MACROD2: variants seen among roughly 807,000 people sequenced by gnomAD.
MACROD2 encodes ADP-ribose glycohydrolase MACROD2.
MACROD2 carries 36 observed loss-of-function variants against 70.4 expected under a neutral mutation model. The ratio of observed to expected loss-of-function variants is 0.51; its 90% confidence interval spans 0.39 to 0.68. MACROD2 has a LOEUF of 0.68. Ranked by LOEUF, MACROD2 falls within the 30% of genes least tolerant of loss-of-function variation. The pLI is 0.00. For missense variants in MACROD2, 496 were observed against 538.4 expected (o/e 0.92, Z 0.78); for synonymous variants, 172 against 178.8 (o/e 0.96, Z 0.30).
intron 8 of MACROD2, among the ~76,000 whole-genome samples, chr20:15,688,739 C>T (rs2050260010): frequency 6.6e-6 from 1 of 152,074 alleles, no homozygotes; most frequent in Non-Finnish European, 1.5e-5. Context: ...AAATAAATTG[C>T]CTTTTCTTTT....
intron 4 of MACROD2, among the ~76,000 whole-genome samples, chr20:14,510,731 A>C (rs1467148113): frequency 6.6e-6 from 1 of 152,114 alleles, no homozygotes; most frequent in Non-Finnish European, 1.5e-5. Flanking sequence ...GGAGGGCACA[A>C]ATAGCCTCTA....
intron 5 of MACROD2, among the ~76,000 whole-genome samples, chr20:14,753,970 AGTCTCTGGG>A (rs1201041840): frequency 6.6e-6 from 1 of 152,094 alleles, no homozygotes; most frequent in African/African-American, 2.4e-5. Flanking sequence ...ATGAGTGTTC[AGTCTCTGGG>A]GTTTTATGCT....
intron 5 of MACROD2, among the ~76,000 whole-genome samples, chr20:15,133,427 C>A (rs1446939612): frequency 5.9e-5 from 9 of 151,928 alleles, no homozygotes; most frequent in African/African-American, 2.2e-4. Context: ...GTTGGTAAGT[C>A]TCATACAGAA....
intron 3 of MACROD2, chr20:14,323,095 A>G (rs1208714871): frequency 1.3e-5 from 2 of 152,198 alleles, no homozygotes; most frequent in East Asian, 1.9e-4. Context: ...TCTTCAGCAG[A>G]TACCAGCTGG....
intron 10 of MACROD2, among the ~76,000 whole-genome samples, chr20:15,908,174 A>G (rs978865142): frequency 6.6e-6 from 1 of 152,144 alleles, no homozygotes; most frequent in Non-Finnish European, 1.5e-5. Flanking sequence ...TTTGCTTCCC[A>G]TTGAGAAGGC....
chr20:14,042,224 A>C (rs535285631), intron 2 of MACROD2, among the ~76,000 whole-genome samples: 30 of 152,286 alleles, frequency 2.0e-4, no homozygotes, highest in African/African-American at 7.2e-4. Flanking sequence ...CCAGAGTACT[A>C]AGTTGATTCC....
chr20:14,926,941 G>T (rs1013556187), intron 5 of MACROD2, among the ~76,000 whole-genome samples: 2 of 152,060 alleles, frequency 1.3e-5, no homozygotes, highest in South Asian at 2.1e-4. Flanking sequence ...AATTATATTG[G>T]GTTTCCTGTG....
At chr20:14,531,376 G>A (rs2085301515) in intron 4 of MACROD2, among the ~76,000 whole-genome samples, 1 of 152,200 alleles carries the variant, frequency 6.6e-6, no homozygotes. Flanking sequence ...CAGAGGACAA[G>A]AGCTTGTGAA....
intron 5 of MACROD2, among the ~76,000 whole-genome samples, chr20:15,150,971 G>T (rs1734916): frequency 6.6e-6 from 1 of 151,674 alleles, no homozygotes; most frequent in Non-Finnish European, 1.5e-5. Context: ...GTAATGTGGC[G>T]TGGGTAGCCT....
In MACROD2 at chr20:14,658,026, C is replaced by CATATTTGT. The variant is rs538332698; in HGVS notation, c.302-26815_302-26808dup. 3.0e-3 allele frequency among the ~76,000 whole-genome samples: 440 copies of CATATTTGT among 148,066 alleles called. 1 individual carries two copies. Among genetic ancestry groups the CATATTTGT allele is most frequent in the African/African-American group, 0.01 (412 of 40,344 alleles). On this transcript the variant is annotated intron_variant, in intron 4 of 17. Coordinates refer to ENST00000684519, the MANE Select transcript of MACROD2 (RefSeq NM_001351661.2). ...GTTAAGTACCTGATAATTTCAATAA[C>CATATTTGT]ATATTTGTAGTAACTGCATTGCAGT...
chr20:14,207,290 C>T (rs926911874), intron 3 of MACROD2, among the ~76,000 whole-genome samples: 2 of 152,046 alleles, frequency 1.3e-5, no homozygotes, highest in East Asian at 1.9e-4. Context: ...TTAGTAGAGA[C>T]GGGGTTTCAC....
chr20:14,739,206 T>C (rs894421524), intron 5 of MACROD2, among the ~76,000 whole-genome samples: 1 of 152,000 alleles, frequency 6.6e-6, no homozygotes, highest in African/African-American at 2.4e-5. Flanking sequence ...ACTTCTAGAA[T>C]TCTAGTATGA....
At chr20:15,104,263 T>C (rs1243600168) in intron 5 of MACROD2, among the ~76,000 whole-genome samples, 2 of 152,078 alleles carry the variant, frequency 1.3e-5, no homozygotes, top group East Asian at 1.9e-4. Flanking sequence ...AATAGTATGA[T>C]AGTAGGATAA....
At chr20:14,593,150 A>G (rs1981891634) in intron 4 of MACROD2, among the ~76,000 whole-genome samples, 1 of 7,170 alleles carries the variant, frequency 1.4e-4, no homozygotes, top group Non-Finnish European at 1.5e-3. Context: ...TCAAGAAAGA[A>G]ATGATAAAAC....
chr20:15,573,130 G>A (rs1388100109), intron 8 of MACROD2, among the ~76,000 whole-genome samples: 2 of 152,102 alleles, frequency 1.3e-5, no homozygotes, highest in Non-Finnish European at 1.5e-5. Flanking sequence ...ACTGCAATGT[G>A]TTGGCATAGT....
At position 14,528,676 on chromosome 20, in the gene MACROD2, C is replaced by G. The variant is rs549364714; in HGVS notation, c.301+35168C>G. ...TTTCTTTTTGCGGGGGTTGGGGGGG[C>G]CCAACATTTCTCGATCTCATTTGTG... is the stretch of plus-strand genomic sequence containing the variant. On this transcript the variant is annotated intron_variant, in intron 4 of 17. Coordinates refer to ENST00000684519, the MANE Select transcript of MACROD2 (RefSeq NM_001351661.2). Among the ~76,000 whole-genome samples, 317 of 151,934 alleles carry G rather than the reference C, an allele frequency of 2.1e-3. 1 individual carries two copies. Among genetic ancestry groups the G allele is most frequent in the African/African-American group, 7.4e-3 (306 of 41,444 alleles).
At chr20:15,623,679 C>CCTATCTATCTATCTAT (rs3071265) in intron 8 of MACROD2, among the ~76,000 whole-genome samples, 35 of 148,248 alleles carry the variant, frequency 2.4e-4, no homozygotes, top group East Asian at 6.0e-4. Context: ...AAGTTATCTG[C>CCTATCTATCTATCTAT]CTATCTATCT....
At chr20:15,143,323 C>T (rs2076206359) in intron 5 of MACROD2, among the ~76,000 whole-genome samples, 1 of 152,128 alleles carries the variant, frequency 6.6e-6, no homozygotes, top group South Asian at 2.1e-4. Context: ...TGAGAAGTGT[C>T]TGTTCATATC....
intron 3 of MACROD2, among the ~76,000 whole-genome samples, chr20:14,322,200 AT>A (rs71190129): frequency 1.5e-5 from 2 of 133,164 alleles, no homozygotes; most frequent in Admixed American, 7.5e-5. Flanking sequence ...ATATATATAT[AT>A]TTTGTATTTT....
Sources: allele counts gnomAD v4.1 joint callset (sites outside exome capture counted in the v4.1 genomes callset), GRCh38; gene constraint gnomAD v4.1.1; transcripts MANE v1.5; gene names NCBI Gene and HGNC (gene_info 2026-07-23, HGNC 2026-07-21).